Variants in POU6F2 observed in about 807,000 individuals in gnomAD.
The protein encoded by POU6F2 is POU domain, class 6, transcription factor 2.
POU6F2 carries 31 observed loss-of-function variants against 71.3 expected under a neutral mutation model. The observed-to-expected ratio is 0.43, with a 90% CI of 0.33 to 0.59. The LOEUF is 0.59. POU6F2 is among the 20% of genes least tolerant of loss of function. The probability of loss-of-function intolerance (pLI) is 0.04; values close to 1 mark genes in which losing one functional copy is unlikely to be tolerated. For missense variants in POU6F2, 783 were observed against 856.8 expected (o/e 0.91, Z 1.07); for synonymous variants, 347 against 355.7 (o/e 0.98, Z 0.27).
chr7:39,208,094 T>G (rs1345659131), intron 4 of POU6F2, among the ~76,000 whole-genome samples: 1 of 152,228 alleles, frequency 6.6e-6, no homozygotes, highest in Non-Finnish European at 1.5e-5. Flanking sequence ...AAGTATGTTT[T>G]AGTTATAGTT....
intron 1 of POU6F2, among the ~76,000 whole-genome samples, chr7:39,039,353 TA>T (rs1190923220): frequency 6.6e-6 from 1 of 152,024 alleles, no homozygotes; most frequent in Non-Finnish European, 1.5e-5. Flanking sequence ...AAGGGCTTAT[TA>T]GTCAATTTCC....
At chr7:39,114,256 C>T (rs1334500678) in intron 2 of POU6F2, among the ~76,000 whole-genome samples, 1 of 152,130 alleles carries the variant, frequency 6.6e-6, no homozygotes, top group Non-Finnish European at 1.5e-5. Context: ...ATGATCATCA[C>T]TTTTCAACTG....
intron 1 of POU6F2, among the ~76,000 whole-genome samples, chr7:39,048,552 G>A (rs988156363): frequency 4.6e-5 from 7 of 151,942 alleles, no homozygotes; most frequent in African/African-American, 1.4e-4. Context: ...AGTCCATGGT[G>A]TATATGTACC....
At chr7:39,109,503 C>A (rs536669667) in intron 2 of POU6F2, among the ~76,000 whole-genome samples, 13 of 152,266 alleles carry the variant, frequency 8.5e-5, no homozygotes, top group African/African-American at 3.1e-4. Flanking sequence ...TGAGTGGTAG[C>A]ATAATGTGAC....
At chr7:39,260,678 A>G (rs111162248) in intron 4 of POU6F2, among the ~76,000 whole-genome samples, 2,662 of 151,668 alleles carry the variant, frequency 0.018, 68 homozygotes, top group African/African-American at 0.061. Flanking sequence ...TACACACCAG[A>G]TGCCACACAT....
chr7:39,389,363 A>G lies in POU6F2; in HGVS notation c.973-17237A>G, dbSNP rs550277051. Among the ~76,000 whole-genome samples the G allele has an allele frequency of 8.5e-5, 13 of 152,320 alleles. No individual in the cohort carries two copies. The East Asian group carries it at 2.5e-3, about 29-fold the overall frequency. ...ATTTTAGAGCCAGGCTTTTAACTGT[A>G]ATATTTTATTATAATTTATAATGAC... On this transcript the variant is annotated intron_variant, in intron 5 of 9. Transcript: ENST00000518318.
chr7:39,101,280 G>T (rs1200466598), intron 2 of POU6F2, among the ~76,000 whole-genome samples: 3 of 151,830 alleles, frequency 2.0e-5, no homozygotes, highest in Non-Finnish European at 4.4e-5. Flanking sequence ...CGCCATGTTG[G>T]CCAGGCTGGT....
intron 4 of POU6F2, among the ~76,000 whole-genome samples, chr7:39,323,959 T>C (rs1785453464): frequency 6.6e-6 from 1 of 151,606 alleles, no homozygotes; most frequent in Admixed American, 6.6e-5. Context: ...AATACAAAAA[T>C]TAGCCAGGCC....
intron 9 of POU6F2, among the ~76,000 whole-genome samples, chr7:39,461,777 A>G (rs761163080): frequency 3.9e-5 from 6 of 152,166 alleles, no homozygotes; most frequent in Non-Finnish European, 8.8e-5. Flanking sequence ...TCTCACTTCT[A>G]TGGCCTCCCC....
chr7:39,426,128 C>G, intron 6 of POU6F2, among the ~76,000 whole-genome samples: 1 of 152,154 alleles, frequency 6.6e-6, no homozygotes, highest in East Asian at 1.9e-4. Context: ...TGGAATGGTT[C>G]CCATCCTGCT....
intron 1 of POU6F2, among the ~76,000 whole-genome samples, chr7:39,080,224 AATATC>A (rs1213308274): frequency 2.0e-5 from 3 of 152,332 alleles, no homozygotes; most frequent in African/African-American, 7.2e-5. Context: ...ACTCATATTA[AATATC>A]ATATCAAGAG....
At chr7:39,042,556 G>GA (rs1790212117) in intron 1 of POU6F2, among the ~76,000 whole-genome samples, 1 of 151,906 alleles carries the variant, frequency 6.6e-6, no homozygotes, top group Non-Finnish European at 1.5e-5. Context: ...GCATGAACAA[G>GA]AAAAAAATGC....
In POU6F2 at chr7:39,145,395, C is replaced by A. The variant is rs181176107; in HGVS notation, c.278-58840C>A. Among the ~76,000 whole-genome samples, 7 of 152,232 alleles carry A rather than the reference C, an allele frequency of 4.6e-5. No individual in the cohort carries two copies. In the East Asian group the frequency reaches 1.2e-3, roughly 25 times the overall value. ...ATCACACAGTTTCGACCAGTGTATG[C>A]CATTTATTATAAGTAATCAAATAAA... On this transcript the variant is annotated intron_variant, in intron 2 of 9. Transcript: ENST00000518318.
chr7:39,053,974 G>A (rs778606397), intron 1 of POU6F2, among the ~76,000 whole-genome samples: 15 of 151,804 alleles, frequency 9.9e-5, no homozygotes, highest in Non-Finnish European at 1.9e-4. Context: ...GTGGTGGCAC[G>A]TGCCTGTAGT....
intron 4 of POU6F2, among the ~76,000 whole-genome samples, chr7:39,276,454 G>A (rs1317377544): frequency 6.6e-6 from 1 of 151,962 alleles, no homozygotes; most frequent in Non-Finnish European, 1.5e-5. Flanking sequence ...ACTGTTGGTG[G>A]AACTGTAAAC....
chr7:39,425,574 T>C (rs766531029), intron 6 of POU6F2, among the ~76,000 whole-genome samples: 17 of 152,300 alleles, frequency 1.1e-4, no homozygotes, highest in Admixed American at 5.9e-4. Context: ...CACGTTTAAG[T>C]CAGCTGAAAC....
chr7:39,450,986 TCAGA>T (rs1364887188), intron 7 of POU6F2, among the ~76,000 whole-genome samples: 1 of 152,200 alleles, frequency 6.6e-6, no homozygotes, highest in East Asian at 1.9e-4. Flanking sequence ...CCTTAGGATA[TCAGA>T]CAGCATTTTA....
chr7:39,429,118 TAA>T (rs60711102), intron 6 of POU6F2, among the ~76,000 whole-genome samples: 32,532 of 148,766 alleles, frequency 0.22, 4,980 homozygotes, highest in East Asian at 0.51. Flanking sequence ...ATAATAATAA[TAA>T]AAAAAAAAAA....
At chr7:39,346,175 C>G (rs1786029777) in intron 5 of POU6F2, among the ~76,000 whole-genome samples, 1 of 152,124 alleles carries the variant, frequency 6.6e-6, no homozygotes, top group Admixed American at 6.5e-5. Flanking sequence ...GGAGGAACAA[C>G]AAAGTTTATA....
Sources: allele counts gnomAD v4.1 joint callset (sites outside exome capture counted in the v4.1 genomes callset), GRCh38; gene constraint gnomAD v4.1.1; transcripts MANE v1.5; gene names NCBI Gene and HGNC (gene_info 2026-07-23, HGNC 2026-07-21).